The following ZWILCH variants were observed in gnomAD, a reference collection of about 807,000 sequenced individuals.
ZWILCH encodes zwilch kinetochore protein, also known as protein zwilch homolog.
In ZWILCH, 74 loss-of-function variants were observed where a neutral mutation model predicts 79.9. That is an observed-to-expected ratio of 0.93 (90% CI 0.77 to 1.12). The LOEUF (loss-of-function observed/expected upper bound fraction) is 1.12. Ranked by LOEUF, ZWILCH falls within the 50% of genes most tolerant of loss-of-function variation. The pLI is 0.00. For missense variants in ZWILCH, 694 were observed against 687.5 expected (o/e 1.01, Z -0.11); for synonymous variants, 241 against 228.2 (o/e 1.06, Z -0.51).
intron 17 of ZWILCH, among the ~76,000 whole-genome samples, chr15:66,542,308 G>A (rs556742402): frequency 2.0e-5 from 3 of 152,080 alleles, no homozygotes; most frequent in Admixed American, 6.6e-5. Context: ...AAAAAAGGCC[G>A]GGCGCGGGGG....
chr15:66,544,724 T>TTTTTTTTTTGTGTGTGTGTGTGTGTG lies in ZWILCH; in HGVS notation c.1688-1866_1688-1865insTTTTTTTTGTGTGTGTGTGTGTGTGT, dbSNP rs145952622. 3.9e-5 allele frequency among the ~76,000 whole-genome samples: 5 copies of TTTTTTTTTTGTGTGTGTGTGTGTGTG among 128,544 alleles called. No individual in the cohort carries two copies. In the East Asian group the frequency reaches 9.8e-4, roughly 25 times the overall value. 84.3% of individuals were successfully genotyped at this position (128,544 alleles called of 152,430 possible). ...TGTTTTTTTGTTGTTTTTTTGGTTT[T>TTTTTTTTTTGTGTGTGTGTGTGTGTG]TGTGTGTGTGTGTGTGTGTGTGTGT... is the stretch of plus-strand genomic sequence containing the variant. On this transcript the variant is annotated intron_variant, in intron 17 of 18. Transcript: ENST00000307897.
intron 1 of ZWILCH, chr15:66,508,603 G>A: frequency 1.6e-6 from 1 of 627,344 alleles, no homozygotes; most frequent in African/African-American, 1.9e-5. Flanking sequence ...CCAATTGAGG[G>A]CAACAGTCTA....
chr15:66,508,964 G>A, intron 2 of ZWILCH, 72 bp downstream of exon 2: 1 of 1,522,978 alleles, frequency 6.6e-7, no homozygotes, highest in African/African-American at 1.4e-5. Flanking sequence ...TTTTGAGACG[G>A]AGTCATGCTC....
In ZWILCH at chr15:66,518,955, C is replaced by T. The variant is rs1387563715; in HGVS notation, c.397C>T (p.Leu133Phe). 6.2e-7 allele frequency: 1 copy of T among 1,614,096 alleles called. No individual in the cohort carries two copies. The highest frequency in any genetic ancestry group is 8.5e-7 in the Non-Finnish European group (1 of 1,180,044). ...GAAGATTAATCTGCCAGTTACTGCCCTTCCTCCCCTTTGGGTAAGATGTGA... is the reference window on the plus strand; with the variant it reads ...GAAGATTAATCTGCCAGTTACTGCCTTTCCTCCCCTTTGGGTAAGATGTGA... ...HLKINLPVTA[L>F]PPLWVRCDSS... Residue 133 changes from leucine to phenylalanine, a missense_variant, in exon 5 of 19, where the codon CTT (leucine) becomes TTT (phenylalanine). Coordinates refer to ENST00000307897, the MANE Select transcript of ZWILCH (RefSeq NM_017975.5).
intron 7 of ZWILCH, 80 bp from the exon 8 acceptor site, chr15:66,523,597 G>A: frequency 2.3e-6 from 2 of 879,084 alleles, no homozygotes; most frequent in Non-Finnish European, 3.7e-6. Flanking sequence ...GTGAAAGATA[G>A]TTTGAAATGC....
At chr15:66,506,965 T>C (rs956765868) in intron 1 of ZWILCH, among the ~76,000 whole-genome samples, 1 of 151,868 alleles carries the variant, frequency 6.6e-6, no homozygotes, top group Non-Finnish European at 1.5e-5. Flanking sequence ...CAAGCGATTC[T>C]CCTGCCTCAG....
In ZWILCH at chr15:66,548,690, A is replaced by G. The variant is rs1895476074; in HGVS notation, c.*366A>G. 1 of 596,326 alleles carries G rather than the reference A, an allele frequency of 1.7e-6. No homozygotes were observed. The highest frequency in any genetic ancestry group is 2.9e-6 in the Non-Finnish European group (1 of 339,440). 36.9% of individuals were successfully genotyped at this position (596,326 alleles called of 1,614,324 possible). A position where few individuals can be genotyped will look rare whatever the true frequency, so the allele number is the denominator to read the frequency against. On this transcript the variant is annotated 3_prime_UTR_variant, in exon 19 of 19. Transcript: ENST00000307897. ...GCTTTATCCCAAAAGCTTTAACTGT[A>G]TTGGGAAAACTTAAAAAATAGCATC... is the stretch of plus-strand genomic sequence containing the variant.
At chr15:66,536,973 GAAA>G (rs1268024915) in intron 15 of ZWILCH, among the ~76,000 whole-genome samples, 192 bp from the exon 16 acceptor site, 1 of 151,924 alleles carries the variant, frequency 6.6e-6, no homozygotes, top group Non-Finnish European at 1.5e-5. Flanking sequence ...TGTTTTCAAA[GAAA>G]AAAACATAAC....
intron 16 of ZWILCH, among the ~76,000 whole-genome samples, chr15:66,539,164 C>T (rs1304966547): frequency 6.6e-6 from 1 of 152,074 alleles, no homozygotes; most frequent in East Asian, 1.9e-4. Flanking sequence ...AAACGTAGTG[C>T]TTATCCTCCG....
intron 1 of ZWILCH, chr15:66,508,634 C>G (rs566424030): frequency 2.0e-6 from 2 of 1,015,302 alleles, no homozygotes; most frequent in East Asian, 3.0e-5. Flanking sequence ...TCACAGTTTT[C>G]TTTTTTGGTT....
rs1895382971 is a variant in ZWILCH, at chr15:66,546,701, A to C, written c.*22A>C. The C allele has an allele frequency of 1.3e-6, 2 of 1,550,610 alleles. No individual in the cohort carries two copies. Among genetic ancestry groups the C allele is most frequent in the Admixed American group, 3.7e-5 (2 of 53,726 alleles). ...GTGAAGTGTGCTGATGAAGTCCTCT[A>C]TAAGGTATTTATGTTCACATTTTAG... On this transcript the variant is annotated 3_prime_UTR_variant, in exon 18 of 19. Transcript: ENST00000307897.
chr15:66,518,239 A>C (rs1270873420), intron 4 of ZWILCH, among the ~76,000 whole-genome samples: 2 of 149,592 alleles, frequency 1.3e-5, no homozygotes, highest in Non-Finnish European at 1.5e-5. Flanking sequence ...ATATACATAC[A>C]TGTTGCTATT....
At position 66,518,798 on chromosome 15, in the gene ZWILCH, G is replaced by A; in HGVS notation, c.321-81G>A. The A allele has an allele frequency of 2.2e-6, 3 of 1,334,438 alleles. No individual in the cohort carries two copies. The East Asian group carries it at 7.2e-5, about 32-fold the overall frequency. The allele number at this position is 1,334,438 out of a possible 1,614,324, so 82.7% of individuals were successfully genotyped here. On this transcript the variant is annotated intron_variant, in intron 4 of 18. Transcript: ENST00000307897. ...TGCATTCCAGCCTGGGCAACAGAGT[G>A]AGACCCTGTCTCTCAGAAATTAAAG...
chr15:66,543,098 C>T (rs1029528766), intron 17 of ZWILCH, among the ~76,000 whole-genome samples: 2 of 152,258 alleles, frequency 1.3e-5, no homozygotes, highest in East Asian at 1.9e-4. Context: ...ACTTGGGATG[C>T]TGAGTCAGGA....
rs140334767 is a variant in ZWILCH at position 66,537,221 on chromosome 15, A to G, written c.1532A>G (p.Gln511Arg). Residue 511 changes from glutamine (Q) to arginine (R), a missense_variant, in exon 16 of 19, where the codon CAG becomes CGG. By Grantham distance (43) the Gln-to-Arg change is conservative. Coordinates refer to ENST00000307897, the MANE Select transcript of ZWILCH (RefSeq NM_017975.5). ...QNPLDEQHIF[Q>R]LPVRPTAVKN... Reference sequence around the variant, plus strand: ...CCTCTTGATGAGCAACACATTTTTCAGCTGCCAGTCAGACCAACTGCTGTA... The same window carrying G: ...CCTCTTGATGAGCAACACATTTTTCGGCTGCCAGTCAGACCAACTGCTGTA... 6.2e-7 allele frequency: 1 copy of G among 1,613,446 alleles called. No individual in the cohort carries two copies. Among genetic ancestry groups the G allele is most frequent in the Non-Finnish European group, 8.5e-7 (1 of 1,179,868 alleles).
intron 8 of ZWILCH, among the ~76,000 whole-genome samples, chr15:66,525,367 C>T (rs955914382): frequency 1.3e-5 from 2 of 152,182 alleles, no homozygotes; most frequent in African/African-American, 4.8e-5. Flanking sequence ...CTTAAAAAGT[C>T]ACAGAATCTT....
intron 2 of ZWILCH, among the ~76,000 whole-genome samples, chr15:66,509,828 T>C (rs1413975635): frequency 3.7e-4 from 2 of 5,386 alleles, no homozygotes; most frequent in Admixed American, 3.5e-3. Flanking sequence ...GCTACATATA[T>C]ATATATATAT....
chr15:66,520,656 C>T lies in ZWILCH; in HGVS notation c.587C>T (p.Ser196Phe), dbSNP rs763269039. The T allele has an allele frequency of 1.9e-6, 3 of 1,552,604 alleles. No homozygotes were observed. The African/African-American group carries it at 4.1e-5, about 21-fold the overall frequency. The change falls in exon 6 of 19, where the codon TCT (serine) becomes TTT (phenylalanine). Residue 196 changes from serine to phenylalanine, a missense_variant. Physicochemically the swap from Ser to Phe is radical, Grantham distance 155. Coordinates refer to ENST00000307897, the MANE Select transcript of ZWILCH (RefSeq NM_017975.5). ...TTACACAAGAAAAGACATCACTTGTCTACTGTAAGTGTTTTGCTTCTACTC... is the reference window on the plus strand; with the variant it reads ...TTACACAAGAAAAGACATCACTTGTTTACTGTAAGTGTTTTGCTTCTACTC... ...KNLHKKRHHL[S>F]TVTSKGFAQY... is the part of the protein sequence containing the mutation.
chr15:66,517,726 C>CTTTTTT (rs1161719182), intron 4 of ZWILCH, among the ~76,000 whole-genome samples: 5 of 58,228 alleles, frequency 8.6e-5, no homozygotes, highest in East Asian at 4.6e-4. Context: ...CTTTTCTTTC[C>CTTTTTT]TTTTTTTTTT....
Sources: allele counts gnomAD v4.1 joint callset (sites outside exome capture counted in the v4.1 genomes callset), GRCh38; gene constraint gnomAD v4.1.1; transcripts MANE v1.5; gene names NCBI Gene and HGNC (gene_info 2026-07-23, HGNC 2026-07-21).